PASK: variants seen among roughly 807,000 people sequenced by gnomAD.
PASK encodes the protein PAS domain containing serine/threonine kinase, also known as PAS domain-containing serine/threonine-protein kinase.
Under a neutral mutation model 121.0 loss-of-function variants are expected in PASK, and 110 were observed. The ratio of observed to expected loss-of-function variants is 0.91; its 90% CI spans 0.78 to 1.06. The LOEUF is 1.06. Ranked by LOEUF, PASK falls within the 50% of genes least tolerant of loss-of-function variation. The probability of loss-of-function intolerance (pLI) is 0.00; values close to 1 mark genes in which losing one functional copy is unlikely to be tolerated. For missense variants in PASK, 1,643 were observed against 1,702.3 expected, an observed-to-expected ratio of 0.97 and a Z score of 0.61; for synonymous variants, 686 against 717.8, an observed-to-expected ratio of 0.96 and a Z score of 0.71.
At chr2:241,143,882 C>G (rs1032208536) in intron 1 of PASK, among the ~76,000 whole-genome samples, 2 of 152,378 alleles carry the variant, frequency 1.3e-5, no homozygotes, top group Middle Eastern at 3.4e-3. Context: ...TAGAGACAGG[C>G]CTGGCACCAG....
chr2:241,137,362 G>C, intron 6 of PASK, 98 bp from the exon 7 acceptor site: 1 of 956,824 alleles, frequency 1.0e-6, no homozygotes, highest in Non-Finnish European at 1.7e-6. Flanking sequence ...CCACGTCATC[G>C]GGGAAGGTCC....
chr2:241,145,403 T>A (rs1308917824), intron 1 of PASK, among the ~76,000 whole-genome samples: 1 of 152,078 alleles, frequency 6.6e-6, no homozygotes, highest in Non-Finnish European at 1.5e-5. Context: ...GCAGGATAAT[T>A]GCTTGAGCCC....
At chr2:241,148,669 T>C (rs1041668568) in intron 1 of PASK, among the ~76,000 whole-genome samples, 2 of 152,178 alleles carry the variant, frequency 1.3e-5, no homozygotes, top group East Asian at 1.9e-4. Flanking sequence ...TGGCCAGATA[T>C]GCATTTTACA....
chr2:241,140,414 A>G, intron 3 of PASK, 107 bp downstream of exon 3: 1 of 867,012 alleles, frequency 1.2e-6, no homozygotes. Context: ...CACCTCCCGA[A>G]GTGCCCAAAT....
chr2:241,138,763 A>C lies in PASK; in HGVS notation c.632T>G (p.Ile211Ser), dbSNP rs768151280. 6.2e-7 allele frequency: 1 copy of C among 1,614,126 alleles called. No individual in the cohort carries two copies. Among genetic ancestry groups the C allele is most frequent in the South Asian group, 1.1e-5 (1 of 91,090 alleles). Residue 211 changes from isoleucine to serine, a missense_variant, in exon 5 of 18, where the codon ATT (isoleucine) becomes AGT (serine). By Grantham distance (142) the Ile-to-Ser change is moderately radical. This residue lies in a region of PASK where 1,176 missense variants were observed against 1,162.2 expected (regional missense o/e 1.01). Coordinates refer to ENST00000234040, the MANE Select transcript of PASK (RefSeq NM_015148.4). Reference sequence around the variant, plus strand: ...CCTCTTCATCCACACAGACACTGGAATCTTCTCCCCACTACGGCTGATGAT... The same window carrying C: ...CCTCTTCATCCACACAGACACTGGACTCTTCTCCCCACTACGGCTGATGAT... ...VDIISRSGEK[I>S]PVSVWMKRMR...
At chr2:241,122,290 T>C (rs2065646890) in intron 12 of PASK, among the ~76,000 whole-genome samples, 1 of 151,826 alleles carries the variant, frequency 6.6e-6, no homozygotes, top group African/African-American at 2.4e-5. Flanking sequence ...AGATTGAAAA[T>C]AGATTATAAA....
rs2066234277 is a variant in PASK at position 241,132,959 on chromosome 2, T to C, written c.1378A>G (p.Ser460Gly). The C allele has an allele frequency of 5.0e-6, 8 of 1,613,990 alleles. No homozygotes were observed. Among genetic ancestry groups the C allele is most frequent in the Non-Finnish European group, 6.8e-6 (8 of 1,179,878 alleles). Reference protein sequence around the residue: ...PRDEIRKLMESQDIFTGTQTE... With the variant: ...PRDEIRKLMEGQDIFTGTQTE... ...TGAGTCCCGGTGAAGATGTCTTGGCTTTCCATCAGCTTCCGGATCTCATCT... is the reference window on the plus strand; with the variant it reads ...TGAGTCCCGGTGAAGATGTCTTGGCCTTCCATCAGCTTCCGGATCTCATCT... Residue 460 changes from serine to glycine, a missense_variant, in exon 9 of 18, where the codon AGC becomes GGC. Physicochemically the swap from Ser to Gly is moderately conservative, Grantham distance 56 (BLOSUM62 0). Transcript: ENST00000234040.
chr2:241,118,035 C>T (rs77836034), intron 12 of PASK, among the ~76,000 whole-genome samples: 5,332 of 152,198 alleles, frequency 0.035, 319 homozygotes, highest in African/African-American at 0.12. Context: ...AAACTTTCCA[C>T]GTTCACAGAT....
chr2:241,123,866 G>A, intron 11 of PASK, 83 bp downstream of exon 11: 1 of 1,184,664 alleles, frequency 8.4e-7, no homozygotes. Flanking sequence ...CCGTCCCCAA[G>A]GAAACAGAGA....
Position 241,137,153 on chromosome 2 carries a change from C to A in PASK, c.988G>T (p.Ala330Ser), listed in dbSNP as rs1021639110. 3 of 1,613,560 alleles carry A rather than the reference C, an allele frequency of 1.9e-6. No individual in the cohort carries two copies. Among genetic ancestry groups the A allele is most frequent in the Non-Finnish European group, 2.5e-6 (3 of 1,179,672 alleles). The stretch of plus-strand genomic sequence containing the variant: ...GATGCCCGGTAGCCGCTCACAGGGG[C>A]CGCCTCACCGGTGGTCGCCTCCTCG... ...SSEEATTGEA[A>S]PVSGYRASVW... The change falls in exon 7 of 18, where the codon GCC becomes TCC. Residue 330 changes from alanine to serine, a missense_variant. Coordinates refer to ENST00000234040, the MANE Select transcript of PASK (RefSeq NM_015148.4).
chr2:241,115,852 G>A (rs368532027), intron 12 of PASK, among the ~76,000 whole-genome samples: 1,043 of 85,886 alleles, frequency 0.012, 14 homozygotes, highest in Middle Eastern at 0.031. Context: ...CCATTACGCC[G>A]GGGCCACCCG....
At chr2:241,143,550 CAAAAAAAAA>C (rs1559403061) in intron 1 of PASK, among the ~76,000 whole-genome samples, 1 of 115,550 alleles carries the variant, frequency 8.7e-6, no homozygotes, top group East Asian at 2.5e-4. Flanking sequence ...GACTCCATGT[CAAAAAAAAA>C]GAAAAAAAAA....
At position 241,108,781 on chromosome 2, in the gene PASK, C is replaced by T. The variant is rs978620992; in HGVS notation, c.3534-481G>A. 2.2e-5 allele frequency: 6 copies of T among 267,172 alleles called. No individual in the cohort carries two copies. Among genetic ancestry groups the T allele is most frequent in the Non-Finnish European group, 4.5e-5 (6 of 134,774 alleles). 16.6% of individuals were successfully genotyped at this position (267,172 alleles called of 1,614,324 possible). Reference sequence around the variant, plus strand: ...CCCTTTAGGAAGATGGCTGTGGCGACGATGTGAAGGGTGCTGCAGGACGAG... The same window carrying T: ...CCCTTTAGGAAGATGGCTGTGGCGATGATGTGAAGGGTGCTGCAGGACGAG... On this transcript the variant is annotated intron_variant, in intron 15 of 17. Transcript: ENST00000234040. The surrounding 1 kb of genome is among the most constrained non-coding windows in gnomAD (Gnocchi z 5.2).
In PASK at chr2:241,135,907, G is replaced by A. The variant is rs758362194; in HGVS notation, c.1270C>T (p.Pro424Ser). The A allele has an allele frequency of 6.2e-7, 1 of 1,614,144 alleles. No homozygotes were observed. Among genetic ancestry groups the A allele is most frequent in the Admixed American group, 1.7e-5 (1 of 60,026 alleles). The change falls in exon 8 of 18, where the codon CCG becomes TCG. Residue 424 changes from proline to serine, a missense_variant. By Grantham distance (74) the Pro-to-Ser change is moderately conservative. This residue lies in a region of PASK where 1,176 missense variants were observed against 1,162.2 expected (regional missense o/e 1.01). Coordinates refer to ENST00000234040, the MANE Select transcript of PASK (RefSeq NM_015148.4). Reference protein sequence around the residue: ...ESGCGERTLDPWQGQDPAEGG... With the variant: ...ESGCGERTLDSWQGQDPAEGG... ...TCAGCTGGGTCCTGGCCCTGCCACG[G>A]GTCCAAGGTTCTCTCCCCACACCCA...
At chr2:241,125,609 G>GAAAAA (rs11353969) in intron 10 of PASK, among the ~76,000 whole-genome samples, 9 of 118,414 alleles carry the variant, frequency 7.6e-5, no homozygotes, top group Non-Finnish European at 1.3e-4. Context: ...CAAAAAAAAA[G>GAAAAA]AAAAAAAAAA....
chr2:241,146,187 G>A (rs7581893), intron 1 of PASK, among the ~76,000 whole-genome samples: 78,675 of 152,022 alleles, frequency 0.52, 21,037 homozygotes, highest in East Asian at 0.89. Context: ...TAATCATGAT[G>A]ATGTTATACC....
intron 4 of PASK, chr2:241,139,519 T>C (rs2066600523): frequency 2.0e-6 from 1 of 499,468 alleles, no homozygotes; most frequent in Non-Finnish European, 4.1e-6. Flanking sequence ...CCAAACAGAA[T>C]GTAAAAATCA....
chr2:241,133,337 G>A (rs922281432), intron 8 of PASK: 72 of 429,486 alleles, frequency 1.7e-4, no homozygotes, highest in Middle Eastern at 7.1e-4. Flanking sequence ...CCGAAGTCTC[G>A]GCCATGGCCC....
intron 9 of PASK, among the ~76,000 whole-genome samples, chr2:241,131,782 A>G (rs1396670661): frequency 1.3e-5 from 2 of 152,140 alleles, no homozygotes; most frequent in Non-Finnish European, 2.9e-5. Context: ...TGGGTCAGGT[A>G]TGGTGGCTCA....
Sources: allele counts gnomAD v4.1 joint callset (sites outside exome capture counted in the v4.1 genomes callset), GRCh38; gene constraint gnomAD v4.1.1; regional missense constraint gnomAD v4.1.1; non-coding constraint Gnocchi (gnomAD v3.1); transcripts MANE v1.5; gene names NCBI Gene and HGNC (gene_info 2026-07-23, HGNC 2026-07-21).